COLEC10: variants seen among roughly 807,000 people sequenced by gnomAD.
The protein encoded by COLEC10 is collectin-10.
COLEC10 carries 22 observed loss-of-function variants against 28.4 expected under a neutral mutation model. The ratio of observed to expected loss-of-function variants is 0.78; its 90% CI spans 0.55 to 1.11. COLEC10 has a LOEUF of 1.11. Among genes scored for constraint, COLEC10 ranks in the 50% least tolerant of loss-of-function variants. The pLI is 0.00. For synonymous variants in COLEC10, 125 were observed against 116.1 expected (o/e 1.08, Z -0.49); for missense variants, 361 against 344.1 (o/e 1.05, Z -0.39).
At chr8:119,099,401 A>G (rs1478711947) in intron 3 of COLEC10, among the ~76,000 whole-genome samples, 1 of 152,088 alleles carries the variant, frequency 6.6e-6, no homozygotes, top group East Asian at 1.9e-4. Flanking sequence ...CGATTATAAG[A>G]AAATATTACT....
At chr8:119,105,757 C>T (rs1815924070) in intron 5 of COLEC10, 43 bp from the exon 6 acceptor site, 2 of 1,524,634 alleles carry the variant, frequency 1.3e-6, no homozygotes, top group Non-Finnish European at 1.8e-6. Flanking sequence ...TGCCTTTTAT[C>T]TTTTTGAGAT....
intron 1 of COLEC10, among the ~76,000 whole-genome samples, chr8:119,071,462 G>T (rs1485294): frequency 6.6e-6 from 1 of 151,914 alleles, no homozygotes; most frequent in Non-Finnish European, 1.5e-5. Flanking sequence ...GACTCAGGAC[G>T]TTGGCTCTTG....
intron 1 of COLEC10, among the ~76,000 whole-genome samples, chr8:119,069,591 G>A (rs1216356266): frequency 1.0e-5 from 1 of 95,602 alleles, no homozygotes; most frequent in African/African-American, 3.9e-5. Context: ...GGACAACAGA[G>A]TGAGACCCCA....
At chr8:118,982,495 G>A in the COLEC10 span, 11 of 155,312 alleles carry the variant, frequency 7.1e-5, no homozygotes, top group African/African-American at 1.9e-4. Flanking sequence ...AAACAGGAAC[G>A]GTGCACCTAC....
chr8:118,954,202 G>A, the COLEC10 span, among the ~76,000 whole-genome samples: 1 of 152,244 alleles, frequency 6.6e-6, no homozygotes, highest in Non-Finnish European at 1.5e-5. Context: ...TTAGCTGTAA[G>A]CTGGAGACAG....
chr8:119,069,671 C>A (rs1815063798), intron 1 of COLEC10, among the ~76,000 whole-genome samples: 1 of 116,714 alleles, frequency 8.6e-6, no homozygotes. Context: ...TGTAAACTGC[C>A]ATCTACTCTA....
intron 2 of COLEC10, among the ~76,000 whole-genome samples, chr8:119,056,494 C>T (rs1814763883): frequency 6.6e-6 from 1 of 151,986 alleles, no homozygotes; most frequent in Admixed American, 6.6e-5. Context: ...TGAATTGTAG[C>T]AGCCCTTTTG....
In COLEC10 at chr8:119,013,864, G is replaced by A. The variant is rs150161389; in HGVS notation, n.235+4311G>A. 7.8e-4 allele frequency among the ~76,000 whole-genome samples: 117 copies of A among 150,636 alleles called. 10 individuals carry two copies. The highest frequency in any genetic ancestry group is 2.8e-3 in the African/African-American group (112 of 40,316). On this transcript the variant is annotated intron_variant and non_coding_transcript_variant, in intron 2 of 6. Transcript: ENST00000521788. ...ACTTTTAATCTTTATGTATCTTTAT[G>A]CCTAAAGTTTGTAATGTACACTTAC...
At chr8:119,068,687 T>C (rs1304777908) in intron 1 of COLEC10, 1 of 152,130 alleles carries the variant, frequency 6.6e-6, no homozygotes, top group Non-Finnish European at 1.5e-5. Flanking sequence ...AGAAACCCTG[T>C]TAAAACTTCA....
At chr8:119,070,851 A>G (rs1019859349) in intron 1 of COLEC10, among the ~76,000 whole-genome samples, 1 of 152,162 alleles carries the variant, frequency 6.6e-6, no homozygotes. Flanking sequence ...ACAATTTTCA[A>G]GGACCTTTAA....
chr8:119,022,335 G>T (rs2130109697), intron 2 of COLEC10, among the ~76,000 whole-genome samples: 1 of 152,174 alleles, frequency 6.6e-6, no homozygotes, highest in African/African-American at 2.4e-5. Context: ...AAGTATTTGT[G>T]CCTCAATCCT....
chr8:119,011,082 C>A (rs7017286), intron 2 of COLEC10, among the ~76,000 whole-genome samples: 2,328 of 150,976 alleles, frequency 0.015, 197 homozygotes, highest in African/African-American at 0.055. Context: ...CTGAAGTCAT[C>A]TAGATTTTCT....
chr8:119,089,633 G>T, intron 1 of COLEC10, 47 bp from the exon 2 acceptor site: 7 of 1,455,670 alleles, frequency 4.8e-6, no homozygotes, highest in Non-Finnish European at 5.8e-6. Context: ...ATGTGCTCAT[G>T]TTACTGTTTG....
chr8:119,011,722 G>A (rs1268395936), intron 2 of COLEC10, among the ~76,000 whole-genome samples: 1 of 150,886 alleles, frequency 6.6e-6, no homozygotes, highest in Admixed American at 6.6e-5. Flanking sequence ...GGGTGCTAAT[G>A]TTATATTGCA....
At chr8:119,040,054 C>T (rs1814465676) in intron 2 of COLEC10, among the ~76,000 whole-genome samples, 2 of 152,154 alleles carry the variant, frequency 1.3e-5, no homozygotes, top group Admixed American at 6.5e-5. Context: ...CCCTTTTACT[C>T]ACATCTGTAT....
At chr8:118,972,101 T>C in the COLEC10 span, among the ~76,000 whole-genome samples, 1 of 151,998 alleles carries the variant, frequency 6.6e-6, no homozygotes, top group South Asian at 2.1e-4. Context: ...TCTTAAAAAC[T>C]AGCACCTAGT....
intron 2 of COLEC10, among the ~76,000 whole-genome samples, chr8:119,042,815 T>C (rs1470583097): frequency 4.6e-5 from 7 of 152,228 alleles, no homozygotes; most frequent in Non-Finnish European, 2.9e-5. Flanking sequence ...AGATTATGTA[T>C]ATAAAAATCC....
intron 1 of COLEC10, among the ~76,000 whole-genome samples, chr8:119,076,055 C>T (rs1169856956): frequency 3.4e-4 from 50 of 145,544 alleles, no homozygotes; most frequent in Non-Finnish European, 5.5e-4. Context: ...CACCCACCAC[C>T]ACGCCCGGCT....
chr8:119,036,226 T>C (rs1287259510), intron 2 of COLEC10, among the ~76,000 whole-genome samples: 3 of 152,222 alleles, frequency 2.0e-5, no homozygotes, highest in Non-Finnish European at 4.4e-5. Context: ...ACAAATTTTA[T>C]GTACAGACTT....
Sources: gnomAD v4.1 joint callset for allele counts (sites outside exome capture counted in the v4.1 genomes callset) on GRCh38, gnomAD v4.1.1 for gene constraint, MANE v1.5 for transcripts, NCBI Gene and HGNC (gene_info 2026-07-23, HGNC 2026-07-21) for gene names.